The following SHLD2 variants were observed in gnomAD, a reference collection of about 807,000 sequenced individuals.
The protein encoded by SHLD2 is RINN1-REV7-interacting novel NHEJ regulator 2.
Under a neutral mutation model 73.2 loss-of-function variants are expected in SHLD2, and 30 were observed. The observed-to-expected ratio is 0.41, with a 90% CI of 0.31 to 0.56. SHLD2 has a LOEUF of 0.56. Ranked by LOEUF, SHLD2 falls within the 20% of genes least tolerant of loss-of-function variation. The pLI, the probability that SHLD2 is intolerant of heterozygous loss-of-function variation, is 0.28. For missense variants in SHLD2, 745 were observed against 1,055.9 expected (o/e 0.71, Z 4.08); for synonymous variants, 285 against 370.1 (o/e 0.77, Z 2.64).
intron 2 of SHLD2, among the ~76,000 whole-genome samples, chr10:87,149,731 A>C (rs1845879908): frequency 6.6e-6 from 1 of 151,810 alleles, no homozygotes; most frequent in African/African-American, 2.4e-5. Flanking sequence ...TCTCTAAATA[A>C]ATAAATAAAT....
intron 4 of SHLD2, among the ~76,000 whole-genome samples, chr10:87,169,132 A>G (rs1405388617): frequency 3.9e-5 from 6 of 152,176 alleles, no homozygotes; most frequent in Admixed American, 2.6e-4. Context: ...TGAATCAGGG[A>G]CAAATATATA....
In SHLD2 at chr10:87,170,615, C is replaced by A. The variant is rs372338504; in HGVS notation, c.1771C>A (p.Gln591Lys). 2.5e-6 allele frequency: 4 copies of A among 1,613,394 alleles called. No individual in the cohort carries two copies. In the Admixed American group the frequency reaches 6.7e-5, roughly 27 times the overall value. Residue 591 changes from glutamine (Q) to lysine (K), a missense_variant, in exon 5 of 10, where the codon CAA (glutamine) becomes AAA (lysine). Around this residue, in one of 5 missense-constraint regions of SHLD2, gnomAD observed 418 missense variants for 567.8 expected, o/e 0.74. Transcript: ENST00000298786. ...AGACTTTGTAGAATTGGAGCACCTT[C>A]AACCTGATGTATTAGTCCACGCAGT... is the stretch of plus-strand genomic sequence containing the variant. ...SIDFVELEHL[Q>K]PDVLVHAVLR...
intron 2 of SHLD2, among the ~76,000 whole-genome samples, chr10:87,128,773 C>G (rs1844218381): frequency 6.6e-6 from 1 of 152,134 alleles, no homozygotes. Flanking sequence ...TTCCACTGTT[C>G]TGAAACTTGT....
At chr10:87,183,820 C>T (rs1011945328) in intron 8 of SHLD2, among the ~76,000 whole-genome samples, 3 of 152,216 alleles carry the variant, frequency 2.0e-5, no homozygotes, top group Admixed American at 6.5e-5. Flanking sequence ...CTCCTCCTTG[C>T]TTTCTAACCT....
chr10:87,178,624 G>A (rs2134674121), intron 7 of SHLD2, among the ~76,000 whole-genome samples: 1 of 151,858 alleles, frequency 6.6e-6, no homozygotes, highest in South Asian at 2.1e-4. Context: ...GCTGAGGTGG[G>A]AGGATCACTT....
At chr10:87,100,320 C>T (rs960988450) in intron 2 of SHLD2, among the ~76,000 whole-genome samples, 22 of 152,160 alleles carry the variant, frequency 1.4e-4, no homozygotes, top group Non-Finnish European at 2.8e-4. Flanking sequence ...ACGTGGCTAT[C>T]CAGTTCATTT....
chr10:87,144,050 G>C (rs972459415), intron 2 of SHLD2, among the ~76,000 whole-genome samples: 1 of 151,884 alleles, frequency 6.6e-6, no homozygotes, highest in African/African-American at 2.4e-5. Flanking sequence ...TTTTAGTAGA[G>C]ACGGGGGTTT....
chr10:87,114,514 T>C (rs1392099994), intron 2 of SHLD2: 1 of 151,976 alleles, frequency 6.6e-6, no homozygotes, highest in Non-Finnish European at 1.5e-5. Context: ...CATCTGAGGT[T>C]AGGAGTTCGA....
chr10:87,142,589 G>T (rs1463548932), intron 2 of SHLD2, among the ~76,000 whole-genome samples: 3 of 152,070 alleles, frequency 2.0e-5, no homozygotes, highest in Non-Finnish European at 4.4e-5. Flanking sequence ...GAACGTTAAA[G>T]ATAGGACCAA....
chr10:87,170,723 A>G, intron 5 of SHLD2, 51 bp downstream of exon 5: 1 of 1,564,792 alleles, frequency 6.4e-7, no homozygotes, highest in Non-Finnish European at 8.6e-7. Flanking sequence ...AAATTAAGAT[A>G]CAAGACCATC....
chr10:87,121,900 G>A (rs937592171), intron 2 of SHLD2, among the ~76,000 whole-genome samples: 7 of 151,670 alleles, frequency 4.6e-5, no homozygotes, highest in African/African-American at 1.7e-4. Context: ...AAGTAGCTGG[G>A]ATCACAGGTA....
At chr10:87,147,505 A>G (rs1248803989) in intron 2 of SHLD2, among the ~76,000 whole-genome samples, 1 of 151,956 alleles carries the variant, frequency 6.6e-6, no homozygotes, top group Non-Finnish European at 1.5e-5. Flanking sequence ...TATCACAGAT[A>G]GGAAATGAAA....
intron 2 of SHLD2, among the ~76,000 whole-genome samples, chr10:87,136,574 A>G (rs1464225046): frequency 1.3e-5 from 2 of 152,210 alleles, no homozygotes; most frequent in Middle Eastern, 3.4e-3. Context: ...AAATATTTCT[A>G]TATGTATCCA....
intron 1 of SHLD2, among the ~76,000 whole-genome samples, chr10:87,096,385 A>T (rs67141022): frequency 1.3e-5 from 2 of 151,888 alleles, no homozygotes; most frequent in South Asian, 4.2e-4. Context: ...ATGAGGGTTC[A>T]GTTATGTATT....
rs1589650705 is a variant in SHLD2 at position 87,176,036 on chromosome 10, G to A, written c.2111G>A (p.Ser704Asn). Residue 704 changes from serine to asparagine, a missense_variant, in exon 7 of 10, where the codon AGT (serine) becomes AAT (asparagine). By Grantham distance (46) the Ser-to-Asn change is conservative (BLOSUM62 1). Transcript: ENST00000298786. ...ACATTTAAAGCAAAATTTCAAAAAA[G>A]TGCACCCTCCTTTGTGAAGATATCA... is the stretch of plus-strand genomic sequence containing the variant. ...AITFKAKFQK[S>N]APSFVKISDL... 1.9e-6 allele frequency: 3 copies of A among 1,548,488 alleles called. No homozygotes were observed. Among genetic ancestry groups the A allele is most frequent in the African/African-American group, 2.7e-5 (2 of 73,068 alleles).
chr10:87,133,712 T>C (rs1478853973), intron 2 of SHLD2, among the ~76,000 whole-genome samples: 2 of 152,240 alleles, frequency 1.3e-5, no homozygotes, highest in East Asian at 3.8e-4. Flanking sequence ...AAGAATAATA[T>C]GTTGTCTAAG....
At chr10:87,142,397 C>CT (rs1845258978) in intron 2 of SHLD2, among the ~76,000 whole-genome samples, 1 of 152,160 alleles carries the variant, frequency 6.6e-6, no homozygotes, top group Admixed American at 6.6e-5. Flanking sequence ...TAGTTAAGAA[C>CT]TTATGTTTTG....
At chr10:87,103,741 C>T (rs185888482) in intron 2 of SHLD2, among the ~76,000 whole-genome samples, 2 of 152,272 alleles carry the variant, frequency 1.3e-5, no homozygotes, top group East Asian at 3.9e-4. Flanking sequence ...TCTTAAAAAA[C>T]CCTTTTCCTA....
intron 2 of SHLD2, among the ~76,000 whole-genome samples, chr10:87,129,005 A>G (rs1405768081): frequency 6.6e-5 from 10 of 152,036 alleles, no homozygotes; most frequent in Non-Finnish European, 1.3e-4. Context: ...TCCTGGGTTC[A>G]GGTGATTCTG....
Sources: allele counts gnomAD v4.1 joint callset (sites outside exome capture counted in the v4.1 genomes callset), GRCh38; gene constraint gnomAD v4.1.1; regional missense constraint gnomAD v4.1.1; transcripts MANE v1.5; gene names NCBI Gene and HGNC (gene_info 2026-07-23, HGNC 2026-07-21).